Variants in MEGF10 observed in about 807,000 individuals in gnomAD.
MEGF10 encodes multiple epidermal growth factor-like domains protein 10.
In MEGF10, 86 loss-of-function variants were observed where a neutral mutation model predicts 147.5. The observed-to-expected ratio is 0.58, with a 90% CI of 0.49 to 0.70. The LOEUF is 0.70. MEGF10 is among the 30% of genes least tolerant of loss of function. The pLI, the probability that MEGF10 is intolerant of heterozygous loss-of-function variation, is 0.00. For synonymous variants in MEGF10, 478 were observed against 525.5 expected, an observed-to-expected ratio of 0.91 and a Z score of 1.24; for missense variants, 1,329 against 1,487.3, an observed-to-expected ratio of 0.89 and a Z score of 1.75.
chr5:127,323,910 G>C (rs1028960844), intron 1 of MEGF10, among the ~76,000 whole-genome samples: 1 of 152,194 alleles, frequency 6.6e-6, no homozygotes, highest in Non-Finnish European at 1.5e-5. Flanking sequence ...CCATATGGCT[G>C]CTTGAGCATC....
rs139329698 is a variant in MEGF10 at position 127,364,243 on chromosome 5, A to G, written c.320-5667A>G. Among the ~76,000 whole-genome samples the G allele has an allele frequency of 3.4e-4, 52 of 152,286 alleles. 1 individual carries two copies. Among genetic ancestry groups the G allele is most frequent in the African/African-American group, 9.6e-4 (40 of 41,570 alleles). On this transcript the variant is annotated intron_variant, in intron 4 of 24. Coordinates refer to ENST00000503335, the MANE Select transcript of MEGF10 (RefSeq NM_001256545.2). ...AGTTTTGAACATTTTCATCATCTCA[A>G]TACAACCCCTGTACCTACTACCCAT...
intron 5 of MEGF10, 63 bp from the exon 6 acceptor site, chr5:127,396,469 G>A (rs1408891702): frequency 4.1e-6 from 6 of 1,480,074 alleles, no homozygotes; most frequent in Middle Eastern, 1.8e-4. Context: ...TTCTCCCCGA[G>A]AGGCGAAGAA....
At chr5:127,454,506 G>A in intron 22 of MEGF10, 60 bp from the exon 23 acceptor site, 1 of 1,487,944 alleles carries the variant, frequency 6.7e-7, no homozygotes, top group Non-Finnish European at 9.2e-7. Flanking sequence ...TTGGGATATT[G>A]GATGGGGTTT....
chr5:127,381,590 A>T, intron 5 of MEGF10, among the ~76,000 whole-genome samples: 1 of 152,108 alleles, frequency 6.6e-6, no homozygotes, highest in East Asian at 1.9e-4. Context: ...GTCTCAGGGG[A>T]TTATACTGTC....
In MEGF10 at chr5:127,447,570, C is replaced by A. The variant is rs2127029173; in HGVS notation, c.2742C>A (p.His914Gln). Residue 914 changes from histidine (H) to glutamine (Q), a missense_variant, in exon 21 of 25, where the codon CAC becomes CAA. Coordinates refer to ENST00000503335, the MANE Select transcript of MEGF10 (RefSeq NM_001256545.2). Reference protein sequence around the residue: ...ADYTISGTLPHSNGGNANSHY... With the variant: ...ADYTISGTLPQSNGGNANSHY... ...CCCTTCTTGCAGGAACCCTTCCTCACAGCAATGGTGGAAACGCTAATAGCC... is the reference window on the plus strand; with the variant it reads ...CCCTTCTTGCAGGAACCCTTCCTCAAAGCAATGGTGGAAACGCTAATAGCC... 1.9e-6 allele frequency: 3 copies of A among 1,614,106 alleles called. No homozygotes were observed. Among genetic ancestry groups the A allele is most frequent in the Non-Finnish European group, 2.5e-6 (3 of 1,179,990 alleles).
Position 127,370,007 on chromosome 5 carries a change from G to A in MEGF10, c.412+5G>A. The A allele has an allele frequency of 1.2e-6, 2 of 1,610,248 alleles. No homozygotes were observed. The highest frequency in any genetic ancestry group is 1.7e-6 in the Non-Finnish European group (2 of 1,176,904). On this transcript the variant is annotated splice_donor_5th_base_variant and intron_variant, in intron 5 of 24. Coordinates refer to ENST00000503335, the MANE Select transcript of MEGF10 (RefSeq NM_001256545.2). Reference sequence around the variant, plus strand: ...GAGGGACCAACTGCTCCAGTGGTAAGTTTCCACCTGCTGTTGTCTGTCTCG... The same window carrying A: ...GAGGGACCAACTGCTCCAGTGGTAAATTTCCACCTGCTGTTGTCTGTCTCG...
At position 127,433,487 on chromosome 5, in the gene MEGF10, C is replaced by T. The variant is rs768650066; in HGVS notation, c.1818C>T (p.Phe606=). Residue 606 remains phenylalanine, a synonymous_variant, in exon 14 of 25, where the codon TTC becomes TTT. Coordinates refer to ENST00000503335, the MANE Select transcript of MEGF10 (RefSeq NM_001256545.2). Reference sequence around the variant, plus strand: ...GCATCTGCGAGTGTGCACCAGGCTTCCGAGGCACCACTTGTCAGAGGAGTA... The same window carrying T: ...GCATCTGCGAGTGTGCACCAGGCTTTCGAGGCACCACTTGTCAGAGGAGTA... ...DDGICECAPG[F]RGTTCQRICS... The T allele has an allele frequency of 1.2e-6, 2 of 1,610,310 alleles. No individual in the cohort carries two copies. The highest frequency in any genetic ancestry group is 2.2e-5 in the East Asian group (1 of 44,800).
intron 22 of MEGF10, among the ~76,000 whole-genome samples, chr5:127,451,016 C>G (rs537583042): frequency 6.6e-6 from 1 of 152,304 alleles, no homozygotes; most frequent in South Asian, 2.1e-4. Flanking sequence ...GCCTCAGCCT[C>G]CCAAAGTGCT....
At chr5:127,416,230 G>A (rs974935111) in intron 9 of MEGF10, among the ~76,000 whole-genome samples, 12 of 151,810 alleles carry the variant, frequency 7.9e-5, no homozygotes, top group Non-Finnish European at 1.6e-4. Context: ...AGGTTTCACC[G>A]TGTTAGCCAG....
chr5:127,359,071 T>TG (rs1036078954), intron 4 of MEGF10, among the ~76,000 whole-genome samples: 7 of 152,100 alleles, frequency 4.6e-5, no homozygotes, highest in African/African-American at 1.7e-4. Flanking sequence ...TTTTTTTTTT[T>TG]CTGTATGAGT....
chr5:127,267,383 C>G, the MEGF10 span, among the ~76,000 whole-genome samples: 3 of 152,050 alleles, frequency 2.0e-5, no homozygotes, highest in African/African-American at 7.2e-5. Flanking sequence ...GTAAAATTCT[C>G]TTTTTTTATT....
chr5:127,245,122 G>C, the MEGF10 span, among the ~76,000 whole-genome samples: 3 of 152,100 alleles, frequency 2.0e-5, no homozygotes, highest in East Asian at 5.8e-4. Flanking sequence ...ATTTCATATG[G>C]AACCAAAAAA....
the MEGF10 span, among the ~76,000 whole-genome samples, chr5:127,273,360 A>C: frequency 6.6e-6 from 1 of 151,914 alleles, no homozygotes; most frequent in African/African-American, 2.4e-5. Flanking sequence ...CGAAAAAAAA[A>C]CTCGACATGG....
the MEGF10 span, among the ~76,000 whole-genome samples, chr5:127,278,642 C>G: frequency 1.3e-5 from 2 of 152,092 alleles, no homozygotes; most frequent in African/African-American, 4.8e-5. Context: ...GGAGGACAGC[C>G]TTAAATGAGA....
intron 18 of MEGF10, among the ~76,000 whole-genome samples, chr5:127,441,409 A>C (rs1765752722): frequency 6.6e-6 from 1 of 152,208 alleles, no homozygotes; most frequent in African/African-American, 2.4e-5. Context: ...CCTTCCAGAC[A>C]ACATACTGCC....
chr5:127,295,612 G>T (rs531492403), intron 1 of MEGF10, among the ~76,000 whole-genome samples: 1 of 152,130 alleles, frequency 6.6e-6, no homozygotes, highest in East Asian at 1.9e-4. Context: ...TGAACTATTG[G>T]CTTAGGGCAG....
At chr5:127,415,754 A>T (rs1459926570) in intron 9 of MEGF10, among the ~76,000 whole-genome samples, 1 of 151,776 alleles carries the variant, frequency 6.6e-6, no homozygotes, top group Non-Finnish European at 1.5e-5. Context: ...AAATACAAAA[A>T]TTAGCTGGGC....
At chr5:127,292,693 G>A (rs1020465798) in intron 1 of MEGF10, among the ~76,000 whole-genome samples, 5 of 150,726 alleles carry the variant, frequency 3.3e-5, no homozygotes, top group Admixed American at 6.6e-5. Flanking sequence ...AGACTACTTG[G>A]AACAGGTGAG....
intron 13 of MEGF10, among the ~76,000 whole-genome samples, chr5:127,429,495 T>C (rs2126993236): frequency 6.6e-6 from 1 of 152,296 alleles, no homozygotes; most frequent in East Asian, 1.9e-4. Context: ...GAATTATGTG[T>C]ATCGATTCAT....
Sources: allele counts gnomAD v4.1 joint callset (sites outside exome capture counted in the v4.1 genomes callset), GRCh38; gene constraint gnomAD v4.1.1; transcripts MANE v1.5; gene names NCBI Gene and HGNC (gene_info 2026-07-23, HGNC 2026-07-21).